SIPA1L3: variants seen among roughly 807,000 people sequenced by gnomAD.
The protein encoded by SIPA1L3 is signal-induced proliferation-associated 1-like protein 3.
In SIPA1L3, 59 loss-of-function variants were observed where a neutral mutation model predicts 150.1. The observed-to-expected ratio is 0.39, with a 90% confidence interval of 0.32 to 0.49. SIPA1L3 has a LOEUF of 0.49. Among genes scored for constraint, SIPA1L3 ranks in the 20% least tolerant of loss-of-function variants. The pLI is 0.86. For synonymous variants in SIPA1L3, 1,070 were observed against 1,077.6 expected (o/e 0.99, Z 0.14); for missense variants, 2,211 against 2,489.5 (o/e 0.89, Z 2.38).
intron 15 of SIPA1L3, among the ~76,000 whole-genome samples, chr19:38,174,516 G>A (rs1005260567): frequency 3.3e-5 from 5 of 152,122 alleles, no homozygotes; most frequent in Admixed American, 2.0e-4. Context: ...AGGCCCCTTA[G>A]GTGCTCTGAG....
intron 2 of SIPA1L3, among the ~76,000 whole-genome samples, chr19:38,056,206 C>T (rs1398375776): frequency 1.3e-5 from 2 of 152,258 alleles, no homozygotes; most frequent in African/African-American, 4.8e-5. Flanking sequence ...GCACCAGCAC[C>T]ACCCTCCTTC....
chr19:38,117,611 T>C (rs920045360), intron 8 of SIPA1L3, among the ~76,000 whole-genome samples: 4 of 145,176 alleles, frequency 2.8e-5, no homozygotes, highest in African/African-American at 1.1e-4. Flanking sequence ...AGAGTGATAC[T>C]CCATCTCAGA....
At chr19:37,915,748 A>C (rs2046409727) in intron 1 of SIPA1L3, among the ~76,000 whole-genome samples, 1 of 152,242 alleles carries the variant, frequency 6.6e-6, no homozygotes, top group South Asian at 2.1e-4. Context: ...CCATCAACTA[A>C]GACAATGATT....
Position 38,135,315 on chromosome 19 carries a change from T to C in SIPA1L3, c.3143+4543T>C, listed in dbSNP as rs193278332. 3.9e-5 allele frequency among the ~76,000 whole-genome samples: 6 copies of C among 152,036 alleles called. No homozygotes were observed. The East Asian group carries it at 1.2e-3, about 29-fold the overall frequency. On this transcript the variant is annotated intron_variant, in intron 10 of 21. Transcript: ENST00000222345. ...ATCCCAGATGGCTCAACCTCAGGAC[T>C]CCAGTCATGCCCCGGGTGTCTCCGG...
intron 16 of SIPA1L3, among the ~76,000 whole-genome samples, chr19:38,187,436 G>A (rs1972707640): frequency 6.7e-6 from 1 of 149,974 alleles, no homozygotes; most frequent in South Asian, 2.1e-4. Flanking sequence ...TGGGCAACAA[G>A]AGTGAAACTC....
chr19:38,104,179 A>G (rs1970569307), intron 6 of SIPA1L3, among the ~76,000 whole-genome samples: 1 of 152,178 alleles, frequency 6.6e-6, no homozygotes, highest in Non-Finnish European at 1.5e-5. Flanking sequence ...CCAGATCAGG[A>G]GACAAATCTT....
At chr19:37,963,187 G>C (rs1350259924) in intron 1 of SIPA1L3, among the ~76,000 whole-genome samples, 2 of 152,002 alleles carry the variant, frequency 1.3e-5, no homozygotes, top group Non-Finnish European at 2.9e-5. Context: ...GTCGGCCCCA[G>C]CCATTACTTT....
At chr19:38,013,234 T>A (rs1281818109) in intron 1 of SIPA1L3, among the ~76,000 whole-genome samples, 1 of 152,102 alleles carries the variant, frequency 6.6e-6, no homozygotes, top group Non-Finnish European at 1.5e-5. Flanking sequence ...GTAGAATAGG[T>A]GTCACAGATT....
rs575250274 is a variant in SIPA1L3 at position 38,143,888 on chromosome 19, C to G, written c.3533+1178C>G. ...CTGTCCCCTGCTCCAAACCCTCCCA[C>G]CACTCCCAGAGCCCTCAGGACACAG... On this transcript the variant is annotated intron_variant, in intron 12 of 21. Coordinates refer to ENST00000222345, the MANE Select transcript of SIPA1L3 (RefSeq NM_015073.3). Among the ~76,000 whole-genome samples the G allele has an allele frequency of 1.2e-4, 18 of 152,240 alleles. No homozygotes were observed. The South Asian group carries it at 3.1e-3, about 26-fold the overall frequency.
intron 1 of SIPA1L3, among the ~76,000 whole-genome samples, chr19:38,011,938 G>C (rs572205178): frequency 1.3e-5 from 2 of 152,238 alleles, no homozygotes; most frequent in East Asian, 3.9e-4. Flanking sequence ...AACAGAGTTT[G>C]CTGATGGCCT....
In SIPA1L3 at chr19:38,083,094, G is replaced by A. The variant is rs908423010; in HGVS notation, c.1529G>A (p.Gly510Asp). 1.2e-6 allele frequency: 2 copies of A among 1,607,604 alleles called. No homozygotes were observed. The highest frequency in any genetic ancestry group is 1.7e-6 in the Non-Finnish European group (2 of 1,178,604). ...CGCTACTACCAGGATTACTTCGTGGGCAAAGGTGACGGATGGCGTGTGGGT... is the reference window on the plus strand; with the variant it reads ...CGCTACTACCAGGATTACTTCGTGGACAAAGGTGACGGATGGCGTGTGGGT... Reference protein sequence around the residue: ...GARYYQDYFVGKEHANYFGVD... With the variant: ...GARYYQDYFVDKEHANYFGVD... Residue 510 changes from glycine (G) to aspartate (D), a missense_variant, in exon 3 of 22, where the codon GGC (glycine) becomes GAC (aspartate). Transcript: ENST00000222345.
At chr19:38,014,656 G>A (rs369308205) in intron 1 of SIPA1L3, among the ~76,000 whole-genome samples, 5 of 128,996 alleles carry the variant, frequency 3.9e-5, no homozygotes, top group South Asian at 2.7e-4. Context: ...GGGCTCAAGC[G>A]ATCCTCCCCC....
chr19:38,170,708 C>T (rs1423839062), intron 15 of SIPA1L3, among the ~76,000 whole-genome samples: 9 of 152,008 alleles, frequency 5.9e-5, no homozygotes, highest in Admixed American at 5.9e-4. Flanking sequence ...ATGAATTGTG[C>T]CAGGGGACAG....
chr19:38,105,666 G>A (rs1970606250), intron 6 of SIPA1L3, among the ~76,000 whole-genome samples: 1 of 152,154 alleles, frequency 6.6e-6, no homozygotes, highest in South Asian at 2.1e-4. Context: ...CACATGAATG[G>A]GATCACACTG....
At chr19:38,032,903 A>G (rs945111615) in intron 2 of SIPA1L3, among the ~76,000 whole-genome samples, 3 of 152,144 alleles carry the variant, frequency 2.0e-5, no homozygotes, top group Non-Finnish European at 2.9e-5. Flanking sequence ...TATAGTGTAC[A>G]TAGGATGTAT....
At chr19:37,959,511 C>CT (rs1479706607) in intron 1 of SIPA1L3, among the ~76,000 whole-genome samples, 6 of 152,164 alleles carry the variant, frequency 3.9e-5, no homozygotes, top group Admixed American at 2.0e-4. Context: ...TTGCTGAGGG[C>CT]TGGGGATGCT....
chr19:37,971,741 T>C (rs935238713), intron 1 of SIPA1L3, among the ~76,000 whole-genome samples: 1 of 152,110 alleles, frequency 6.6e-6, no homozygotes, highest in Non-Finnish European at 1.5e-5. Flanking sequence ...ATTCCTTTTG[T>C]ATTTTATTAG....
intron 3 of SIPA1L3, 23 bp from the exon 4 acceptor site, chr19:38,088,698 A>C (rs1188745621): frequency 6.2e-7 from 1 of 1,610,454 alleles, no homozygotes; most frequent in South Asian, 1.1e-5. Flanking sequence ...CTGAGCCTGA[A>C]CTCGCCTGCT....
intron 15 of SIPA1L3, among the ~76,000 whole-genome samples, chr19:38,175,908 A>G (rs1185485991): frequency 2.6e-5 from 4 of 152,164 alleles, no homozygotes; most frequent in Non-Finnish European, 5.9e-5. Flanking sequence ...CTGGCGCTCC[A>G]GAAAGAAAGA....
Sources: gnomAD v4.1 joint callset for allele counts (sites outside exome capture counted in the v4.1 genomes callset) on GRCh38, gnomAD v4.1.1 for gene constraint, MANE v1.5 for transcripts, NCBI Gene and HGNC (gene_info 2026-07-23, HGNC 2026-07-21) for gene names.